Variants in ANKRD18B observed in about 807,000 individuals in gnomAD.
ANKRD18B encodes ankyrin repeat domain-containing protein 18B.
ANKRD18B carries 75 observed loss-of-function variants against 111.8 expected under a neutral mutation model. The observed-to-expected ratio is 0.67, with a 90% confidence interval of 0.56 to 0.81. The LOEUF is 0.81. ANKRD18B is among the 40% of genes least tolerant of loss of function. ANKRD18B has a pLI of 0.00. For missense variants in ANKRD18B, 1,038 were observed against 1,225.5 expected, an observed-to-expected ratio of 0.85 and a Z score of 2.28; for synonymous variants, 356 against 417.3, an observed-to-expected ratio of 0.85 and a Z score of 1.79.
chr9:33,558,751 T>C (rs982766077), intron 14 of ANKRD18B, among the ~76,000 whole-genome samples: 5 of 152,164 alleles, frequency 3.3e-5, no homozygotes, highest in African/African-American at 1.2e-4. Flanking sequence ...TTTGGAGAAA[T>C]ATTAATGATG....
intron 14 of ANKRD18B, among the ~76,000 whole-genome samples, chr9:33,559,322 A>G (rs533746420): frequency 6.6e-6 from 1 of 152,292 alleles, no homozygotes; most frequent in Non-Finnish European, 1.5e-5. Flanking sequence ...GCAGCTTTGT[A>G]CGGCCATTTC....
At chr9:33,566,552 C>T (rs1828688264) in intron 15 of ANKRD18B, 52 bp downstream of exon 15, 1 of 1,565,882 alleles carries the variant, frequency 6.4e-7, no homozygotes, top group Non-Finnish European at 8.6e-7. Flanking sequence ...TCATTTATTT[C>T]ACTGCAAACT....
chr9:33,525,285 G>C (rs371634225), intron 1 of ANKRD18B, among the ~76,000 whole-genome samples: 18 of 152,234 alleles, frequency 1.2e-4, no homozygotes, highest in African/African-American at 4.3e-4. Context: ...TGCTCCTCTA[G>C]ATATCAAAAC....
At chr9:33,557,388 C>CT (rs1276024843) in intron 13 of ANKRD18B, among the ~76,000 whole-genome samples, 1 of 151,932 alleles carries the variant, frequency 6.6e-6, no homozygotes, top group South Asian at 2.1e-4. Context: ...ATATGTTTTA[C>CT]TTTTTTAAAG....
chr9:33,534,479 G>T lies in ANKRD18B; in HGVS notation c.712G>T (p.Asp238Tyr), dbSNP rs746819775. 16 of 1,547,984 alleles carry T rather than the reference G, an allele frequency of 1.0e-5. No individual in the cohort carries two copies. The highest frequency in any genetic ancestry group is 3.4e-4 in the Middle Eastern group (2 of 5,960). ...SQDMFGQTAEDYAFCCDLRSI... is the reference protein window; with the variant it reads ...SQDMFGQTAEYYAFCCDLRSI... ...AGACATGTTTGGCCAAACTGCCGAG[G>T]ATTATGCTTTTTGTTGTGATTTGAG... Residue 238 changes from aspartate (D) to tyrosine (Y), a missense_variant, in exon 5 of 19, where the codon GAT (aspartate) becomes TAT (tyrosine). Physicochemically the swap from Asp to Tyr is radical, Grantham distance 160. Coordinates refer to ENST00000684830, the MANE Select transcript of ANKRD18B (RefSeq NM_001393611.1).
chr9:33,532,874 A>C lies in ANKRD18B; in HGVS notation c.496-565A>C, dbSNP rs535981324. On this transcript the variant is annotated intron_variant, in intron 3 of 18. Coordinates refer to ENST00000684830, the MANE Select transcript of ANKRD18B (RefSeq NM_001393611.1). ...TCAAACTGAGATTAGGCAAAGTTCA[A>C]GGGATTTCTAGATTGTTGGCCATGT... Among the ~76,000 whole-genome samples, 3 of 152,322 alleles carry C rather than the reference A, an allele frequency of 2.0e-5. No homozygotes were observed. In the South Asian group the frequency reaches 6.2e-4, roughly 32 times the overall value.
At chr9:33,571,224 T>TTA in intron 17 of ANKRD18B, 22 bp from the exon 18 acceptor site, 1 of 44,782 alleles carries the variant, frequency 2.2e-5, no homozygotes, top group Non-Finnish European at 4.1e-5. Flanking sequence ...ATTATTATTA[T>TTA]TTTTTTTTTT....
rs1156794570 is a variant in ANKRD18B at position 33,548,263 on chromosome 9, C to G, written c.1475C>G (p.Ser492Cys). 6.4e-7 allele frequency: 1 copy of G among 1,551,048 alleles called. No individual in the cohort carries two copies. Among genetic ancestry groups the G allele is most frequent in the East Asian group, 2.4e-5 (1 of 40,904 alleles). The change falls in exon 11 of 19, where the codon TCC (serine) becomes TGC (cysteine). Residue 492 changes from serine to cysteine, a missense_variant. Physicochemically the swap from Ser to Cys is moderately radical, Grantham distance 112. Around this residue, in one of 4 missense-constraint regions of ANKRD18B, gnomAD observed 205 missense variants for 201.3 expected, o/e 1.02. Transcript: ENST00000684830. ...GAAAGACTAGAAGCTGAAGTTGAAT[C>G]CCTCCATTCTAACTTGGCCACTGCT... ...NKERLEAEVESLHSNLATAIN... is the reference protein window; with the variant it reads ...NKERLEAEVECLHSNLATAIN...
chr9:33,530,757 T>C (rs1190763003), intron 3 of ANKRD18B, among the ~76,000 whole-genome samples: 9 of 152,206 alleles, frequency 5.9e-5, no homozygotes, highest in African/African-American at 1.7e-4. Flanking sequence ...GGAAATATCA[T>C]TGGCAATATC....
chr9:33,532,408 C>A (rs1828131216), intron 3 of ANKRD18B, among the ~76,000 whole-genome samples: 1 of 152,000 alleles, frequency 6.6e-6, no homozygotes, highest in African/African-American at 2.4e-5. Context: ...GAAATCAATA[C>A]AAATGGATTT....
chr9:33,527,823 T>C (rs1198274503), intron 1 of ANKRD18B, among the ~76,000 whole-genome samples: 9 of 152,188 alleles, frequency 5.9e-5, no homozygotes, highest in African/African-American at 2.2e-4. Flanking sequence ...CCTACTATTT[T>C]CTACATTAAT....
intron 16 of ANKRD18B, among the ~76,000 whole-genome samples, chr9:33,567,826 AT>A (rs1193697379): frequency 6.6e-6 from 1 of 152,192 alleles, no homozygotes; most frequent in Non-Finnish European, 1.5e-5. Flanking sequence ...TTTGTGTAAC[AT>A]TTTCAAGGTG....
intron 14 of ANKRD18B, among the ~76,000 whole-genome samples, chr9:33,564,380 A>AT (rs975331579): frequency 2.3e-4 from 35 of 152,112 alleles, no homozygotes; most frequent in African/African-American, 6.3e-4. Context: ...AGAAGATTTC[A>AT]TTTTTTTATA....
intron 18 of ANKRD18B, 39 bp downstream of exon 18, chr9:33,571,330 T>C: frequency 2.0e-6 from 2 of 981,804 alleles, no homozygotes; most frequent in South Asian, 4.2e-5. Flanking sequence ...TTAGGTTTAT[T>C]TTAGTAATAA....
At chr9:33,547,415 G>T (rs1215950985) in intron 10 of ANKRD18B, among the ~76,000 whole-genome samples, 1 of 152,092 alleles carries the variant, frequency 6.6e-6, no homozygotes, top group Non-Finnish European at 1.5e-5. Flanking sequence ...TCTTACAACT[G>T]ACTAAAAAAT....
chr9:33,528,338 G>A (rs1024965804), intron 1 of ANKRD18B, among the ~76,000 whole-genome samples: 1 of 152,212 alleles, frequency 6.6e-6, no homozygotes, highest in Admixed American at 6.5e-5. Flanking sequence ...GTTGTTGCTT[G>A]TTCTGGAAAC....
intron 1 of ANKRD18B, among the ~76,000 whole-genome samples, chr9:33,526,256 T>TA (rs1220363608): frequency 2.0e-5 from 3 of 152,154 alleles, no homozygotes; most frequent in African/African-American, 7.2e-5. Flanking sequence ...CTTCAGAAAA[T>TA]ACAGATACAT....
intron 3 of ANKRD18B, among the ~76,000 whole-genome samples, chr9:33,533,099 A>G (rs954747515): frequency 1.3e-5 from 2 of 152,148 alleles, no homozygotes; most frequent in Non-Finnish European, 2.9e-5. Context: ...TATAGAGAAA[A>G]AAGATACAGC....
intron 14 of ANKRD18B, among the ~76,000 whole-genome samples, chr9:33,560,182 T>G (rs1379103702): frequency 6.6e-6 from 1 of 152,142 alleles, no homozygotes. Flanking sequence ...AAATTAGCCA[T>G]GTGGACCCAT....
Sources: allele counts gnomAD v4.1 joint callset (sites outside exome capture counted in the v4.1 genomes callset), GRCh38; gene constraint gnomAD v4.1.1; regional missense constraint gnomAD v4.1.1; transcripts MANE v1.5; gene names NCBI Gene and HGNC (gene_info 2026-07-23, HGNC 2026-07-21).